The following ATP8A2 variants were observed in gnomAD, a reference collection of about 807,000 sequenced individuals.
ATP8A2 encodes ATPase phospholipid transporting 8A2.
ATP8A2 carries 100 observed loss-of-function variants against 165.6 expected under a neutral mutation model. That is an observed-to-expected ratio of 0.60 (90% CI 0.51 to 0.71). ATP8A2 has a LOEUF of 0.71. Ranked by LOEUF, ATP8A2 falls within the 30% of genes least tolerant of loss-of-function variation. The pLI, the probability that ATP8A2 is intolerant of heterozygous loss-of-function variation, is 0.00. For synonymous variants in ATP8A2, 543 were observed against 548.8 expected (o/e 0.99, Z 0.15); for missense variants, 1,227 against 1,479.5 (o/e 0.83, Z 2.80).
At chr13:25,609,965 G>GT (rs1375344985) in intron 24 of ATP8A2, among the ~76,000 whole-genome samples, 7 of 151,686 alleles carry the variant, frequency 4.6e-5, no homozygotes, top group East Asian at 1.9e-4. Flanking sequence ...TGATAGGATT[G>GT]TTTTTTTATT....
At chr13:25,591,242 A>G (rs1250871963) in intron 24 of ATP8A2, 2 of 456,310 alleles carry the variant, frequency 4.4e-6, no homozygotes, top group South Asian at 1.5e-5. Flanking sequence ...CATCACCACT[A>G]TCCATCCACA....
At chr13:25,864,021 T>C (rs548044086) in intron 33 of ATP8A2, among the ~76,000 whole-genome samples, 16 of 152,350 alleles carry the variant, frequency 1.1e-4, no homozygotes, top group Admixed American at 2.6e-4. Flanking sequence ...AGCAATGTGA[T>C]TGATCCCCAC....
At chr13:25,766,052 C>T (rs1449686822) in intron 25 of ATP8A2, among the ~76,000 whole-genome samples, 1 of 152,176 alleles carries the variant, frequency 6.6e-6, no homozygotes, top group African/African-American at 2.4e-5. Context: ...CAGCCTCAGG[C>T]CTGCTGAGTC....
At chr13:25,416,990 G>A (rs2034150193) in intron 1 of ATP8A2, among the ~76,000 whole-genome samples, 1 of 151,690 alleles carries the variant, frequency 6.6e-6, no homozygotes, top group East Asian at 1.9e-4. Flanking sequence ...CACTTTTGCT[G>A]CTTGGAATTG....
intron 24 of ATP8A2, among the ~76,000 whole-genome samples, chr13:25,616,618 C>T (rs1340292637): frequency 1.3e-5 from 2 of 152,208 alleles, no homozygotes; most frequent in Non-Finnish European, 2.9e-5. Context: ...AGGCGTGAAC[C>T]ATGACCACTT....
At chr13:25,791,183 C>T (rs923951377) in intron 27 of ATP8A2, among the ~76,000 whole-genome samples, 2 of 152,130 alleles carry the variant, frequency 1.3e-5, no homozygotes, top group African/African-American at 4.8e-5. Flanking sequence ...GGTACATATA[C>T]ACCATGGGAT....
intron 33 of ATP8A2, among the ~76,000 whole-genome samples, chr13:25,925,546 A>T (rs1364216178): frequency 6.6e-6 from 1 of 152,008 alleles, no homozygotes; most frequent in Non-Finnish European, 1.5e-5. Context: ...AAAAAAAAAA[A>T]AAACAAAATT....
intron 24 of ATP8A2, among the ~76,000 whole-genome samples, chr13:25,678,978 C>G (rs772089335): frequency 3.3e-5 from 5 of 152,100 alleles, no homozygotes; most frequent in Non-Finnish European, 7.4e-5. Context: ...ACAGTAATCA[C>G]TGTGAGTTAA....
chr13:25,815,441 C>T (rs1287724991), intron 27 of ATP8A2, among the ~76,000 whole-genome samples: 1 of 152,148 alleles, frequency 6.6e-6, no homozygotes, highest in African/African-American at 2.4e-5. Context: ...TGAAAAGGTG[C>T]TCAGCATCAC....
chr13:25,860,940 C>G, intron 32 of ATP8A2, 80 bp downstream of exon 32: 1 of 988,338 alleles, frequency 1.0e-6, no homozygotes, highest in Non-Finnish European at 1.6e-6. Context: ...CTTGGGGAAA[C>G]CATAAGCAAT....
At chr13:25,898,926 G>T (rs1421162721) in intron 33 of ATP8A2, among the ~76,000 whole-genome samples, 1 of 152,192 alleles carries the variant, frequency 6.6e-6, no homozygotes, top group Non-Finnish European at 1.5e-5. Flanking sequence ...GGTGCTGTTT[G>T]TCACCCCTTT....
At chr13:25,489,615 G>A (rs546468953) in intron 2 of ATP8A2, among the ~76,000 whole-genome samples, 1 of 152,286 alleles carries the variant, frequency 6.6e-6, no homozygotes, top group South Asian at 2.1e-4. Flanking sequence ...CCTGCCAATG[G>A]GAAGTGGAAA....
rs78174351 is a variant in ATP8A2, at chr13:25,527,745, A to T, written c.222-2254A>T. 3.4e-3 allele frequency among the ~76,000 whole-genome samples: 517 copies of T among 151,726 alleles called. 3 individuals are homozygous for T. Among genetic ancestry groups the T allele is most frequent in the African/African-American group, 0.012 (498 of 41,354 alleles). ...ACAAGCAAGATTCCTTTCCTCCTCA[A>T]CTCTCCATCTTCATGGTTCTCAGGG... On this transcript the variant is annotated intron_variant, in intron 2 of 36. Coordinates refer to ENST00000381655, the MANE Select transcript of ATP8A2 (RefSeq NM_016529.6).
In ATP8A2 at chr13:25,530,801, G is replaced by T. The variant is rs184914275; in HGVS notation, c.420+141G>T. On this transcript the variant is annotated intron_variant, in intron 4 of 36. Transcript: ENST00000381655. The stretch of plus-strand genomic sequence containing the variant: ...TAGACACCTGATGGTATTTTTAGGG[G>T]GAGTTAATGTATACTCAGAGTGTCC... 1.2e-3 allele frequency: 716 copies of T among 617,052 alleles called. 1 individual carries two copies. Among genetic ancestry groups the T allele is most frequent in the Non-Finnish European group, 1.7e-3 (598 of 348,654 alleles). 38.2% of individuals were successfully genotyped at this position (617,052 alleles called of 1,614,324 possible).
intron 33 of ATP8A2, among the ~76,000 whole-genome samples, chr13:25,875,532 C>G (rs569600563): frequency 1.3e-5 from 2 of 151,916 alleles, no homozygotes; most frequent in Non-Finnish European, 2.9e-5. Context: ...AGCATTTATA[C>G]AATTATAATT....
intron 25 of ATP8A2, among the ~76,000 whole-genome samples, chr13:25,709,213 T>C (rs1401639251): frequency 6.6e-6 from 1 of 152,266 alleles, no homozygotes; most frequent in Non-Finnish European, 1.5e-5. Flanking sequence ...TTTTTTCTCT[T>C]ACTAAGCAAG....
rs541595435 is a variant in ATP8A2 at position 25,527,361 on chromosome 13, C to T, written c.222-2638C>T. Among the ~76,000 whole-genome samples the T allele has an allele frequency of 2.6e-5, 4 of 152,172 alleles. No individual in the cohort carries two copies. In the East Asian group the frequency reaches 7.7e-4, roughly 29 times the overall value. On this transcript the variant is annotated intron_variant, in intron 2 of 36. Coordinates refer to ENST00000381655, the MANE Select transcript of ATP8A2 (RefSeq NM_016529.6). ...TAGAAATGTGGAATCTCAGGCCCACCCCAGACGTACTGAATCAGAATCTGC... is the reference window on the plus strand; with the variant it reads ...TAGAAATGTGGAATCTCAGGCCCACTCCAGACGTACTGAATCAGAATCTGC...
intron 24 of ATP8A2, among the ~76,000 whole-genome samples, chr13:25,619,628 A>C (rs1054617300): frequency 6.6e-6 from 1 of 152,198 alleles, no homozygotes; most frequent in African/African-American, 2.4e-5. Context: ...GAACTTCTGG[A>C]AATGAAAAAT....
At chr13:25,469,254 C>G (rs903728001) in intron 2 of ATP8A2, 133 bp downstream of exon 2, 1 of 1,133,826 alleles carries the variant, frequency 8.8e-7, no homozygotes. Flanking sequence ...CCCCTGCCCC[C>G]TCCCCACCCC....
Sources: allele counts gnomAD v4.1 joint callset (sites outside exome capture counted in the v4.1 genomes callset), GRCh38; gene constraint gnomAD v4.1.1; transcripts MANE v1.5; gene names NCBI Gene and HGNC (gene_info 2026-07-23, HGNC 2026-07-21).